COLEC12: variants seen among roughly 807,000 people sequenced by gnomAD.
COLEC12 encodes collectin-12.
COLEC12 carries 33 observed loss-of-function variants against 71.1 expected under a neutral mutation model. The ratio of observed to expected loss-of-function variants is 0.46; its 90% CI spans 0.35 to 0.62. The LOEUF is 0.62. Ranked by LOEUF, COLEC12 falls within the 20% of genes least tolerant of loss-of-function variation. COLEC12 has a pLI of 0.00. For missense variants in COLEC12, 765 were observed against 916.1 expected (o/e 0.84, Z 2.13); for synonymous variants, 350 against 353.0 (o/e 0.99, Z 0.10).
intron 2 of COLEC12, among the ~76,000 whole-genome samples, chr18:459,559 T>A (rs1324457101): frequency 6.6e-6 from 1 of 152,218 alleles, no homozygotes; most frequent in Non-Finnish European, 1.5e-5. Flanking sequence ...CATTTTTGTC[T>A]ACCCTAAAAC....
chr18:430,171 C>T (rs1309644173), intron 2 of COLEC12, among the ~76,000 whole-genome samples: 1 of 152,028 alleles, frequency 6.6e-6, no homozygotes, highest in East Asian at 1.9e-4. Context: ...AACCCTGTCC[C>T]TACTGAATAC....
intron 8 of COLEC12, among the ~76,000 whole-genome samples, chr18:324,111 G>A (rs1362276321): frequency 6.6e-6 from 1 of 152,068 alleles, no homozygotes; most frequent in Non-Finnish European, 1.5e-5. Context: ...CAGACTGAAG[G>A]GACAATTTAT....
Position 400,194 on chromosome 18 carries a change from G to T in COLEC12, c.59-42672C>A, listed in dbSNP as rs555744932. Among the ~76,000 whole-genome samples, 10 of 152,206 alleles carry T rather than the reference G, an allele frequency of 6.6e-5. No individual in the cohort carries two copies. In the South Asian group the frequency reaches 1.2e-3, roughly 19 times the overall value. On this transcript the variant is annotated intron_variant, in intron 2 of 9. Coordinates refer to ENST00000400256, the MANE Select transcript of COLEC12 (RefSeq NM_130386.3). ...AAAATTCTAATCTGGATAATCTCTG[G>T]ATACTGGACAATGAAGCCCAGGTGT...
intron 2 of COLEC12, among the ~76,000 whole-genome samples, chr18:392,884 C>G (rs1226165152): frequency 6.6e-6 from 1 of 152,208 alleles, no homozygotes; most frequent in Non-Finnish European, 1.5e-5. Context: ...AGATTCTTTT[C>G]TTTGTTACAT....
At chr18:378,778 T>C (rs1740286618) in intron 2 of COLEC12, among the ~76,000 whole-genome samples, 1 of 152,194 alleles carries the variant, frequency 6.6e-6, no homozygotes, top group Admixed American at 6.5e-5. Context: ...CCCAATTTAT[T>C]TCCCCTTTTC....
intron 2 of COLEC12, among the ~76,000 whole-genome samples, chr18:407,310 G>A (rs768187797): frequency 2.0e-5 from 3 of 152,192 alleles, no homozygotes; most frequent in Non-Finnish European, 4.4e-5. Flanking sequence ...AGAACCAATA[G>A]GTAGTGTATA....
chr18:371,646 G>C (rs921962262), intron 2 of COLEC12, among the ~76,000 whole-genome samples: 10 of 152,242 alleles, frequency 6.6e-5, no homozygotes, highest in African/African-American at 2.4e-4. Context: ...GACAGAACAG[G>C]AGAAAGGGGA....
intron 9 of COLEC12, 68 bp downstream of exon 9, chr18:321,594 T>C (rs1029891615): frequency 4.4e-5 from 69 of 1,574,002 alleles, no homozygotes; most frequent in Non-Finnish European, 5.8e-5. Flanking sequence ...GCCCTTGTAC[T>C]CACCACCCCT....
chr18:325,163 A>G (rs1369854679), intron 8 of COLEC12, among the ~76,000 whole-genome samples: 1 of 152,234 alleles, frequency 6.6e-6, no homozygotes, highest in Non-Finnish European at 1.5e-5. Context: ...ACTGCACTCC[A>G]GCCTGGACAA....
intron 1 of COLEC12, among the ~76,000 whole-genome samples, chr18:481,024 C>T (rs1917405041): frequency 6.6e-6 from 1 of 152,108 alleles, no homozygotes; most frequent in Admixed American, 6.5e-5. Flanking sequence ...CCTTTCTGGA[C>T]CACCCGGCCA....
At chr18:429,833 T>C (rs1385007128) in intron 2 of COLEC12, among the ~76,000 whole-genome samples, 2 of 152,192 alleles carry the variant, frequency 1.3e-5, no homozygotes, top group Non-Finnish European at 2.9e-5. Context: ...AGATTCCTCA[T>C]CCATCTATCT....
intron 2 of COLEC12, among the ~76,000 whole-genome samples, chr18:439,416 A>G (rs1916469080): frequency 6.6e-6 from 1 of 152,172 alleles, no homozygotes; most frequent in South Asian, 2.1e-4. Flanking sequence ...AACCTGGAAC[A>G]CACACAGAGA....
At chr18:490,912 T>C (rs1917608158) in intron 1 of COLEC12, among the ~76,000 whole-genome samples, 1 of 152,246 alleles carries the variant, frequency 6.6e-6, no homozygotes. Context: ...ACTGGCGCTG[T>C]CTACATATGA....
chr18:425,539 C>T (rs1340399466), intron 2 of COLEC12, among the ~76,000 whole-genome samples: 1 of 152,142 alleles, frequency 6.6e-6, no homozygotes, highest in Admixed American at 6.5e-5. Flanking sequence ...AAATGAGTCT[C>T]TTTGTACATG....
chr18:452,930 C>T (rs1223874901), intron 2 of COLEC12, among the ~76,000 whole-genome samples: 1 of 152,158 alleles, frequency 6.6e-6, no homozygotes, highest in East Asian at 1.9e-4. Context: ...AGGGGTCCTC[C>T]CCCATGGGAA....
At chr18:380,762 T>C (rs371720629) in intron 2 of COLEC12, among the ~76,000 whole-genome samples, 49 of 152,056 alleles carry the variant, frequency 3.2e-4, no homozygotes, top group African/African-American at 1.1e-3. Context: ...AGTTTGAAAT[T>C]TGGGAATGTC....
At chr18:461,686 C>T (rs1916985768) in intron 2 of COLEC12, among the ~76,000 whole-genome samples, 1 of 85,204 alleles carries the variant, frequency 1.2e-5, no homozygotes, top group Non-Finnish European at 2.3e-5. Context: ...CTGTACCCGG[C>T]TAAGAGATTT....
intron 2 of COLEC12, among the ~76,000 whole-genome samples, chr18:422,396 A>C (rs1333616624): frequency 6.6e-6 from 1 of 152,084 alleles, no homozygotes; most frequent in Non-Finnish European, 1.5e-5. Context: ...TCAAAATCAA[A>C]TGTTTGAGTA....
At chr18:472,901 G>A (rs1370937754) in intron 2 of COLEC12, among the ~76,000 whole-genome samples, 1 of 151,822 alleles carries the variant, frequency 6.6e-6, no homozygotes, top group Non-Finnish European at 1.5e-5. Context: ...GGAGCACCTG[G>A]GAGAGAGGAA....
Sources: allele counts gnomAD v4.1 joint callset (sites outside exome capture counted in the v4.1 genomes callset), GRCh38; gene constraint gnomAD v4.1.1; transcripts MANE v1.5; gene names NCBI Gene and HGNC (gene_info 2026-07-23, HGNC 2026-07-21).